PRKG1: variants seen among roughly 807,000 people sequenced by gnomAD.
The protein encoded by PRKG1 is cGMP-dependent protein kinase 1.
PRKG1 carries 35 observed loss-of-function variants against 88.1 expected under a neutral mutation model. The ratio of observed to expected loss-of-function variants is 0.40; its 90% CI spans 0.30 to 0.53. The LOEUF is 0.53. Ranked by LOEUF, PRKG1 falls within the 20% of genes least tolerant of loss-of-function variation. The pLI is 0.59. For synonymous variants in PRKG1, 303 were observed against 292.5 expected (o/e 1.04, Z -0.37); for missense variants, 540 against 839.8 (o/e 0.64, Z 4.41).
At chr10:52,239,256 G>T (rs905235435) in intron 9 of PRKG1, among the ~76,000 whole-genome samples, 3 of 141,966 alleles carry the variant, frequency 2.1e-5, no homozygotes, top group African/African-American at 7.8e-5. Context: ...CACCGGCATG[G>T]CACATGTATA....
At chr10:52,092,435 A>G (rs1454105097) in intron 7 of PRKG1, among the ~76,000 whole-genome samples, 1 of 152,144 alleles carries the variant, frequency 6.6e-6, no homozygotes, top group Non-Finnish European at 1.5e-5. Flanking sequence ...ACTGAAAAAA[A>G]CCCCAGTTCT....
intron 3 of PRKG1, among the ~76,000 whole-genome samples, chr10:51,786,718 A>G (rs912439608): frequency 3.9e-5 from 6 of 152,212 alleles, no homozygotes; most frequent in Admixed American, 3.9e-4. Flanking sequence ...ATTACTTGGC[A>G]TTTAATATTT....
Position 51,502,684 on chromosome 10 carries a change from C to T in PRKG1, c.592+34848C>T, listed in dbSNP as rs147092919. ...TGATGCTATCCAAATCCCACAGTTA[C>T]TCTGATCATCAAATGAAATCATGCA... On this transcript the variant is annotated intron_variant, in intron 3 of 17. Transcript: ENST00000373980. 1.1e-3 allele frequency among the ~76,000 whole-genome samples: 174 copies of T among 152,266 alleles called. 1 individual carries two copies. Among genetic ancestry groups the T allele is most frequent in the African/African-American group, 3.8e-3 (157 of 41,564 alleles).
intron 9 of PRKG1, among the ~76,000 whole-genome samples, chr10:52,223,837 T>C (rs1406579610): frequency 1.3e-5 from 2 of 152,152 alleles, no homozygotes; most frequent in Non-Finnish European, 2.9e-5. Context: ...CCTTTTCTTT[T>C]TTCTTTCACT....
intron 8 of PRKG1, among the ~76,000 whole-genome samples, chr10:52,137,582 CAT>C (rs933419942): frequency 8.5e-5 from 13 of 152,128 alleles, no homozygotes; most frequent in African/African-American, 3.1e-4. Context: ...TATAAAATGG[CAT>C]AATATTTGCA....
intron 10 of PRKG1, among the ~76,000 whole-genome samples, chr10:52,259,544 AC>A (rs1415013898): frequency 6.6e-6 from 1 of 152,060 alleles, no homozygotes; most frequent in Non-Finnish European, 1.5e-5. Context: ...GCTAATTAGT[AC>A]TTGGTCCCTC....
chr10:51,013,043 A>G (rs1296078179), intron 1 of PRKG1, among the ~76,000 whole-genome samples: 1 of 152,238 alleles, frequency 6.6e-6, no homozygotes, highest in Non-Finnish European at 1.5e-5. Flanking sequence ...GGTGACAGGA[A>G]CGGTGGCACG....
At chr10:52,193,563 C>CCAAA (rs1554816000) in intron 9 of PRKG1, among the ~76,000 whole-genome samples, 1 of 118,522 alleles carries the variant, frequency 8.4e-6, no homozygotes, top group Admixed American at 8.9e-5. Context: ...AAAAAAAAAA[C>CCAAA]AAAAAAAAAA....
chr10:51,291,186 A>G (rs1350697600), intron 2 of PRKG1, among the ~76,000 whole-genome samples: 1 of 152,132 alleles, frequency 6.6e-6, no homozygotes, highest in African/African-American at 2.4e-5. Flanking sequence ...CCTTTTTGCA[A>G]GAGGGTTTCT....
intron 5 of PRKG1, among the ~76,000 whole-genome samples, chr10:52,011,531 C>T (rs998491137): frequency 6.6e-6 from 1 of 152,142 alleles, no homozygotes; most frequent in African/African-American, 2.4e-5. Flanking sequence ...CCAACATATA[C>T]CCTGCTTGCA....
At chr10:52,171,793 T>A (rs1278302294) in intron 9 of PRKG1, among the ~76,000 whole-genome samples, 3 of 124,286 alleles carry the variant, frequency 2.4e-5, no homozygotes, top group African/African-American at 1.1e-4. Flanking sequence ...AAAATTTTTT[T>A]TTTTTTTTTT....
chr10:52,008,661 G>T (rs1844801796), intron 5 of PRKG1, among the ~76,000 whole-genome samples: 1 of 151,982 alleles, frequency 6.6e-6, no homozygotes, highest in Non-Finnish European at 1.5e-5. Context: ...AAGTCCAGTT[G>T]GATTCACAGC....
At chr10:52,019,827 A>G (rs1845136269) in intron 5 of PRKG1, among the ~76,000 whole-genome samples, 1 of 152,074 alleles carries the variant, frequency 6.6e-6, no homozygotes, top group Admixed American at 6.6e-5. Flanking sequence ...TTGAGTTTGG[A>G]GAGTTCTCTA....
intron 3 of PRKG1, among the ~76,000 whole-genome samples, chr10:51,534,725 T>G (rs1225539863): frequency 6.6e-6 from 1 of 151,648 alleles, no homozygotes; most frequent in Admixed American, 6.6e-5. Context: ...GGTTCATGGT[T>G]GCTATTGTGT....
At chr10:52,054,364 AG>A in intron 5 of PRKG1, 119 bp from the exon 6 acceptor site, 1 of 686,222 alleles carries the variant, frequency 1.5e-6, no homozygotes, top group Non-Finnish European at 2.5e-6. Flanking sequence ...TGATGGTTCC[AG>A]GCTTGGATAA....
chr10:52,242,948 A>G (rs1840906274), intron 9 of PRKG1, among the ~76,000 whole-genome samples: 1 of 152,186 alleles, frequency 6.6e-6, no homozygotes, highest in Non-Finnish European at 1.5e-5. Flanking sequence ...AGAAGAAAAA[A>G]GAAAAGAAAA....
At chr10:52,128,103 G>T in intron 7 of PRKG1, 1 of 985,268 alleles carries the variant, frequency 1.0e-6, no homozygotes, top group Non-Finnish European at 1.2e-6. Flanking sequence ...TTTGCTTTGT[G>T]CTGTGTGAAC....
chr10:51,574,074 C>G (rs1287016275), intron 3 of PRKG1, among the ~76,000 whole-genome samples: 1 of 151,868 alleles, frequency 6.6e-6, no homozygotes, highest in Non-Finnish European at 1.5e-5. Context: ...GTTCTGGCCC[C>G]AGGAATTCAA....
At chr10:51,569,177 C>T (rs187050253) in intron 3 of PRKG1, among the ~76,000 whole-genome samples, 2 of 151,960 alleles carry the variant, frequency 1.3e-5, no homozygotes, top group Non-Finnish European at 2.9e-5. Flanking sequence ...AGGATATAAC[C>T]ACCTACCATG....
Sources: gnomAD v4.1 joint callset for allele counts (sites outside exome capture counted in the v4.1 genomes callset) on GRCh38, gnomAD v4.1.1 for gene constraint, MANE v1.5 for transcripts, NCBI Gene and HGNC (gene_info 2026-07-23, HGNC 2026-07-21) for gene names.